Variants in PFKFB1 observed in about 807,000 individuals in gnomAD.
PFKFB1 encodes the protein 6-phosphofructo-2-kinase/fructose-2,6-bisphosphatase 1.
In PFKFB1, 34 loss-of-function variants were observed where a neutral mutation model predicts 46.4. The ratio of observed to expected loss-of-function variants is 0.73; its 90% CI spans 0.56 to 0.98. PFKFB1 has a LOEUF of 0.98. Among genes scored for constraint, PFKFB1 ranks in the 50% least tolerant of loss-of-function variants. The probability of loss-of-function intolerance (pLI) is 0.00; values close to 1 mark genes in which losing one functional copy is unlikely to be tolerated. For synonymous variants in PFKFB1, 119 were observed against 133.8 expected (o/e 0.89, Z 0.76); for missense variants, 393 against 376.3 (o/e 1.04, Z -0.37).
At chrX:54,940,479 A>C (rs1310299112) in intron 10 of PFKFB1, among the ~76,000 whole-genome samples, 4 of 112,010 alleles carry the variant, frequency 3.6e-5, no homozygotes, top group Non-Finnish European at 7.5e-5. Context: ...ACATGATTGT[A>C]TATTTAGAAA....
upstream of PFKFB1, chrX:54,994,190 G>A: frequency 9.4e-7 from 1 of 1,059,611 alleles, no homozygotes; most frequent in Admixed American, 4.0e-5. Context: ...CTTTCCTCTG[G>A]TCCTAGCCTG....
At chrX:54,979,603 G>A (rs180815883) in intron 1 of PFKFB1, among the ~76,000 whole-genome samples, 118 of 111,716 alleles carry the variant, frequency 1.1e-3, no homozygotes, top group African/African-American at 3.6e-3. Flanking sequence ...GATCTAAAGA[G>A]ATAAAAAAGC....
intron 11 of PFKFB1, 104 bp downstream of exon 11, chrX:54,937,491 T>A: frequency 4.0e-6 from 3 of 742,304 alleles, no homozygotes; most frequent in Non-Finnish European, 5.8e-6. Context: ...GGCATCCTTG[T>A]TCTAGATACT....
rs1009511435 is a variant in PFKFB1, at chrX:54,933,107, G to A, written c.*296C>T. ...GCAGCAGAGCTGGGTCAGGATTAGG[G>A]TCAGTACCTTGAGAACAACTGGAAA... On this transcript the variant is annotated 3_prime_UTR_variant, in exon 14 of 14. Transcript: ENST00000375006. The A allele has an allele frequency of 3.1e-6, 1 of 327,416 alleles. No individual in the cohort carries two copies. Among genetic ancestry groups the A allele is most frequent in the Non-Finnish European group, 5.4e-6 (1 of 186,048 alleles). The allele number at this position is 327,416 out of a possible 1,213,427, so 27.0% of individuals were successfully genotyped here. A position where few individuals can be genotyped will look rare whatever the true frequency, so the allele number is the denominator to read the frequency against.
Position 54,943,215 on chromosome X carries a change from C to T in PFKFB1, c.1098+2224G>A, listed in dbSNP as rs897903250. 7.2e-5 allele frequency among the ~76,000 whole-genome samples: 8 copies of T among 111,288 alleles called. No individual in the cohort carries two copies. In the Admixed American group the frequency reaches 7.7e-4, roughly 11 times the overall value. On this transcript the variant is annotated intron_variant, in intron 10 of 13. Coordinates refer to ENST00000375006, the MANE Select transcript of PFKFB1 (RefSeq NM_002625.4). ...GACATATTAGAGGGAAACTTTAAAG[C>T]AACAATGATACAAAAACCTTAAAAG...
chrX:54,951,773 G>C (rs1602188993), intron 8 of PFKFB1, 132 bp downstream of exon 8: 3 of 521,065 alleles, frequency 5.8e-6, no homozygotes, highest in Non-Finnish European at 9.8e-6. Context: ...GGAAGAGCAG[G>C]AGTGATGGAA....
Position 54,951,961 on chromosome X carries a change from G to A in PFKFB1, c.790C>T (p.Leu264Phe). 1 of 1,210,219 alleles carries A rather than the reference G, an allele frequency of 8.3e-7. No individual in the cohort carries two copies. The highest frequency in any genetic ancestry group is 1.1e-6 in the Non-Finnish European group (1 of 894,583). Reference protein sequence around the residue: ...IYLCRHGESELNIRGRIGGDS... With the variant: ...IYLCRHGESEFNIRGRIGGDS... ...CCTCCGATGCGGCCTCTGATGTTGA[G>A]TTCACTCTCGCCATGTCGGCAAAGG... Residue 264 changes from leucine (L) to phenylalanine (F), a missense_variant, in exon 8 of 14, where the codon CTC becomes TTC. By Grantham distance (22) the Leu-to-Phe change is conservative. Transcript: ENST00000375006.
chrX:54,969,965 G>C (rs1387296275), intron 1 of PFKFB1, among the ~76,000 whole-genome samples: 5 of 112,021 alleles, frequency 4.5e-5, no homozygotes, highest in African/African-American at 1.6e-4. Context: ...CTGGAGTGCA[G>C]TGCCATGATC....
intron 1 of PFKFB1, among the ~76,000 whole-genome samples, chrX:54,985,241 C>T (rs758088377): frequency 9.0e-6 from 1 of 111,393 alleles, no homozygotes; most frequent in Admixed American, 9.6e-5. Flanking sequence ...CCAAGACTTA[C>T]TTCACAAACT....
At chrX:54,948,148 C>T (rs775378090) in intron 9 of PFKFB1, among the ~76,000 whole-genome samples, 23 of 111,073 alleles carry the variant, frequency 2.1e-4, no homozygotes, top group Non-Finnish European at 4.0e-4. Context: ...GTCTCCAACT[C>T]CTGGGCTCAA....
chrX:54,978,982 C>T (rs904212529), intron 1 of PFKFB1, among the ~76,000 whole-genome samples: 5 of 111,287 alleles, frequency 4.5e-5, no homozygotes, highest in African/African-American at 1.6e-4. Context: ...GATCCTGGAA[C>T]ATATAAAGGA....
chrX:54,933,906 C>G, intron 12 of PFKFB1, 21 bp from the exon 13 acceptor site: 5 of 1,179,254 alleles, frequency 4.2e-6, no homozygotes, highest in Non-Finnish European at 5.8e-6. Context: ...AACAATCCAT[C>G]TGTCCATAGG....
At chrX:54,981,444 G>T (rs1934988881) in intron 1 of PFKFB1, among the ~76,000 whole-genome samples, 1 of 111,371 alleles carries the variant, frequency 9.0e-6, no homozygotes, top group Non-Finnish European at 1.9e-5. Flanking sequence ...AGTTCTATGA[G>T]AAAATAACTT....
chrX:54,973,903 G>T (rs1477219470), intron 1 of PFKFB1, among the ~76,000 whole-genome samples: 1 of 110,668 alleles, frequency 9.0e-6, no homozygotes, highest in Non-Finnish European at 1.9e-5. Flanking sequence ...AAATCTTTAG[G>T]TATAACACCA....
chrX:54,963,285 A>G lies in PFKFB1; in HGVS notation c.195T>C (p.Tyr65=), dbSNP rs1569546984. Residue 65 remains tyrosine, a synonymous_variant, in exon 2 of 14, where the codon TAT becomes TAC. Transcript: ENST00000375006. ...TAGTTGGTGTTCCTATCCAGTTGAG[A>G]TATCGTGTGAGCTTTGTGGAGATAT... ...KTYISTKLTR[Y]LNWIGTPTKV... is the part of the protein sequence containing the mutation. The G allele has an allele frequency of 8.3e-7, 1 of 1,209,405 alleles. No individual in the cohort carries two copies. Among genetic ancestry groups the G allele is most frequent in the Non-Finnish European group, 1.1e-6 (1 of 893,745 alleles).
chrX:54,972,132 C>G (rs1187747534), intron 1 of PFKFB1, among the ~76,000 whole-genome samples: 1 of 110,971 alleles, frequency 9.0e-6, no homozygotes, highest in African/African-American at 3.3e-5. Context: ...TGATTTGGCT[C>G]TCTGTTTGTC....
At chrX:54,964,768 T>C (rs1210237832) in intron 1 of PFKFB1, among the ~76,000 whole-genome samples, 1 of 111,647 alleles carries the variant, frequency 9.0e-6, no homozygotes, top group East Asian at 2.8e-4. Context: ...TAGCTATGAT[T>C]AGTATGTTAA....
intron 1 of PFKFB1, among the ~76,000 whole-genome samples, chrX:54,991,796 G>C (rs185479002): frequency 1.8e-5 from 2 of 111,393 alleles, no homozygotes; most frequent in Admixed American, 9.5e-5. Context: ...TATTCACAAG[G>C]GGAATAAACA....
chrX:54,985,249 A>G (rs1935086177), intron 1 of PFKFB1, among the ~76,000 whole-genome samples: 1 of 111,299 alleles, frequency 9.0e-6, no homozygotes, highest in Non-Finnish European at 1.9e-5. Context: ...TACTTCACAA[A>G]CTACTCCTGC....
Sources: allele counts gnomAD v4.1 joint callset (sites outside exome capture counted in the v4.1 genomes callset), GRCh38; gene constraint gnomAD v4.1.1; transcripts MANE v1.5; gene names NCBI Gene and HGNC (gene_info 2026-07-23, HGNC 2026-07-21).